Variants in IL1RAPL2 observed in about 807,000 individuals in gnomAD.
IL1RAPL2 encodes interleukin 1 receptor accessory protein like 2.
A neutral mutation model predicts 44.1 loss-of-function variants in IL1RAPL2; 3 were observed. That is an observed-to-expected ratio of 0.07 (90% CI 0.03 to 0.18). IL1RAPL2 has a LOEUF of 0.18. Among genes scored for constraint, IL1RAPL2 ranks in the 10% least tolerant of loss-of-function variants. The pLI, the probability that IL1RAPL2 is intolerant of heterozygous loss-of-function variation, is 1.00. For synonymous variants in IL1RAPL2, 181 were observed against 178.8 expected (o/e 1.01, Z -0.10); for missense variants, 391 against 496.4 (o/e 0.79, Z 2.02).
rs549188954 is a variant in IL1RAPL2, at chrX:105,012,749, G to T, written c.83-182726G>T. 4.6e-5 allele frequency among the ~76,000 whole-genome samples: 5 copies of T among 108,945 alleles called. No homozygotes were observed. The South Asian group carries it at 2.0e-3, about 44-fold the overall frequency. The allele number at this position is 108,945 out of a possible 115,157, so 94.6% of individuals were successfully genotyped here. ...TATGTTACAATAAAATTTCAACAAA[G>T]GGTAAGTTAGGTTGCAGCACTCAGG... is the stretch of plus-strand genomic sequence containing the variant. On this transcript the variant is annotated intron_variant, in intron 2 of 10. Transcript: ENST00000372582.
intron 7 of IL1RAPL2, among the ~76,000 whole-genome samples, chrX:105,721,902 C>T (rs1293004783): frequency 8.9e-6 from 1 of 112,213 alleles, no homozygotes; most frequent in African/African-American, 3.2e-5. Flanking sequence ...GAAGTGCCAA[C>T]AAAAAGGCAG....
intron 1 of IL1RAPL2, among the ~76,000 whole-genome samples, chrX:104,610,594 G>A (rs988506141): frequency 9.0e-6 from 1 of 111,633 alleles, no homozygotes; most frequent in Non-Finnish European, 1.9e-5. Context: ...CCTCTTGAAG[G>A]AGAACTACAA....
chrX:105,336,267 G>T lies in IL1RAPL2; in HGVS notation c.697+68726G>T, dbSNP rs767069559. 4.5e-5 allele frequency among the ~76,000 whole-genome samples: 5 copies of T among 112,296 alleles called. No homozygotes were observed. The East Asian group carries it at 1.4e-3, about 32-fold the overall frequency. On this transcript the variant is annotated intron_variant, in intron 5 of 10. Transcript: ENST00000372582. ...ATGATAGCATCACTTACACACTGAAGAGTTATAATTGAGATGCCCAGTTGC... is the reference window on the plus strand; with the variant it reads ...ATGATAGCATCACTTACACACTGAATAGTTATAATTGAGATGCCCAGTTGC...
At chrX:104,843,701 G>T (rs1290970223) in intron 2 of IL1RAPL2, among the ~76,000 whole-genome samples, 1 of 108,866 alleles carries the variant, frequency 9.2e-6, no homozygotes, top group East Asian at 2.9e-4. Flanking sequence ...TCCTGCTTCT[G>T]CTTGCTCTCC....
intron 2 of IL1RAPL2, among the ~76,000 whole-genome samples, chrX:105,040,827 C>T (rs1602913971): frequency 9.5e-6 from 1 of 104,933 alleles, no homozygotes; most frequent in South Asian, 4.3e-4. Flanking sequence ...TTCAAAAAAC[C>T]AGCTCCTGGA....
chrX:105,702,870 T>A (rs1444043801), intron 6 of IL1RAPL2, among the ~76,000 whole-genome samples: 1 of 111,847 alleles, frequency 8.9e-6, no homozygotes, highest in African/African-American at 3.2e-5. Flanking sequence ...GTTGTAAGGA[T>A]CAAAGAAGGT....
intron 1 of IL1RAPL2, among the ~76,000 whole-genome samples, chrX:104,611,418 A>C (rs1170488354): frequency 9.0e-6 from 1 of 110,668 alleles, no homozygotes; most frequent in Non-Finnish European, 1.9e-5. Context: ...TCCCTGCTTG[A>C]ACTTCCTGGC....
At chrX:104,680,608 A>G (rs750685332) in intron 2 of IL1RAPL2, among the ~76,000 whole-genome samples, 3 of 111,299 alleles carry the variant, frequency 2.7e-5, no homozygotes, top group South Asian at 7.7e-4. Context: ...AACTACCCCC[A>G]AAGACATGAA....
intron 1 of IL1RAPL2, among the ~76,000 whole-genome samples, chrX:104,583,304 TCA>T (rs1424623922): frequency 4.5e-5 from 5 of 111,679 alleles, no homozygotes; most frequent in African/African-American, 9.8e-5. Flanking sequence ...TTTAGTATAT[TCA>T]CAGAGTCATG....
chrX:105,145,676 C>T (rs780190261), intron 2 of IL1RAPL2, among the ~76,000 whole-genome samples: 10 of 110,939 alleles, frequency 9.0e-5, no homozygotes, highest in Middle Eastern at 4.6e-3. Flanking sequence ...CTGTGGATGT[C>T]GAATCATTTA....
intron 1 of IL1RAPL2, among the ~76,000 whole-genome samples, chrX:104,567,267 C>A (rs1023843186): frequency 5.3e-5 from 6 of 113,034 alleles, no homozygotes; most frequent in Non-Finnish European, 9.4e-5. Context: ...AGGGGCTCTT[C>A]GCCTGGGAGG....
chrX:104,855,671 A>C (rs914913782), intron 2 of IL1RAPL2, among the ~76,000 whole-genome samples: 9 of 62,744 alleles, frequency 1.4e-4, no homozygotes, highest in African/African-American at 5.0e-4. Flanking sequence ...TGTGCTAAGG[A>C]TCTGGATCCG....
At chrX:104,587,378 C>A (rs1928581320) in intron 1 of IL1RAPL2, among the ~76,000 whole-genome samples, 1 of 111,903 alleles carries the variant, frequency 8.9e-6, no homozygotes, top group African/African-American at 3.2e-5. Flanking sequence ...GTGGCACAGG[C>A]ATGTGCATTC....
intron 2 of IL1RAPL2, among the ~76,000 whole-genome samples, chrX:104,750,870 C>T (rs1932245319): frequency 9.1e-6 from 1 of 110,285 alleles, no homozygotes; most frequent in African/African-American, 3.3e-5. Context: ...TTTTTAAAAA[C>T]CCAAATTAAA....
At position 105,195,435 on chromosome X, in the gene IL1RAPL2, A is replaced by G. The variant is rs782123410; in HGVS notation, c.83-40A>G. The G allele has an allele frequency of 9.3e-6, 11 of 1,182,568 alleles. No homozygotes were observed. In the Admixed American group the frequency reaches 1.1e-4, roughly 12 times the overall value. On this transcript the variant is annotated intron_variant, in intron 2 of 10. Transcript: ENST00000372582. Reference sequence around the variant, plus strand: ...ACTGCTCACACTATTAGTGTCAACAATGCTCACTGTATCTTATACCTCTTC... The same window carrying G: ...ACTGCTCACACTATTAGTGTCAACAGTGCTCACTGTATCTTATACCTCTTC...
intron 4 of IL1RAPL2, among the ~76,000 whole-genome samples, chrX:105,253,911 A>G (rs1229986668): frequency 8.9e-6 from 1 of 111,963 alleles, no homozygotes; most frequent in Admixed American, 9.5e-5. Flanking sequence ...ATAGTGTTCC[A>G]TGGTGATATG....
At chrX:105,169,337 A>G (rs1014520342) in intron 2 of IL1RAPL2, among the ~76,000 whole-genome samples, 1 of 108,324 alleles carries the variant, frequency 9.2e-6, no homozygotes, top group Non-Finnish European at 1.9e-5. Context: ...CTAATACATA[A>G]TAATGATATC....
Position 104,577,262 on chromosome X carries a change from T to C in IL1RAPL2, c.-20+10211T>C, listed in dbSNP as rs752079887. Among the ~76,000 whole-genome samples the C allele has an allele frequency of 5.4e-5, 6 of 111,999 alleles. No individual in the cohort carries two copies. In the East Asian group the frequency reaches 8.4e-4, roughly 16 times the overall value. On this transcript the variant is annotated intron_variant, in intron 1 of 10. Transcript: ENST00000372582. ...GAAGTCTGAATAGCCAATTGGAGCATTGGAGCTTGGGGGAAAGAGGTCATT... is the reference window on the plus strand; with the variant it reads ...GAAGTCTGAATAGCCAATTGGAGCACTGGAGCTTGGGGGAAAGAGGTCATT...
At chrX:105,234,207 T>A (rs1238854709) in intron 4 of IL1RAPL2, among the ~76,000 whole-genome samples, 1 of 112,112 alleles carries the variant, frequency 8.9e-6, no homozygotes, top group Non-Finnish European at 1.9e-5. Flanking sequence ...TACGCCTTTC[T>A]CCAACTGCTA....
Sources: allele counts gnomAD v4.1 joint callset (sites outside exome capture counted in the v4.1 genomes callset), GRCh38; gene constraint gnomAD v4.1.1; transcripts MANE v1.5; gene names NCBI Gene and HGNC (gene_info 2026-07-23, HGNC 2026-07-21).